RPGR: variants seen among roughly 807,000 people sequenced by gnomAD.
RPGR encodes retinitis pigmentosa GTPase regulator.
In RPGR, 10 loss-of-function variants were observed where a neutral mutation model predicts 56.3. The ratio of observed to expected loss-of-function variants is 0.18; its 90% CI spans 0.11 to 0.30. RPGR has a LOEUF of 0.30. Ranked by LOEUF, RPGR falls within the 10% of genes least tolerant of loss-of-function variation. The pLI is 1.00. For synonymous variants in RPGR, 197 were observed against 212.9 expected (o/e 0.93, Z 0.65); for missense variants, 538 against 590.9 (o/e 0.91, Z 0.93).
At chrX:38,313,414 T>C (rs1484866805) in intron 6 of RPGR, among the ~76,000 whole-genome samples, 2 of 111,923 alleles carry the variant, frequency 1.8e-5, no homozygotes, top group Non-Finnish European at 3.8e-5. Context: ...ACTGAGCAAG[T>C]TGTTCAATCA....
Position 38,273,379 on chromosome X carries a change from C to G in RPGR, c.2241+7G>C, listed in dbSNP as rs1180403751. 8.5e-7 allele frequency: 1 copy of G among 1,174,838 alleles called. No individual in the cohort carries two copies. Among genetic ancestry groups the G allele is most frequent in the East Asian group, 3.0e-5 (1 of 33,559 alleles). On this transcript the variant is annotated splice_region_variant and intron_variant, in intron 18 of 18. Coordinates refer to ENST00000642395, the MANE Select transcript of RPGR (RefSeq NM_000328.3). Reference sequence around the variant, plus strand: ...AAGGATCAAAAAAGACAATTCATTTCACTTACCTTCTTTGTTTTTTTCATG... The same window carrying G: ...AAGGATCAAAAAAGACAATTCATTTGACTTACCTTCTTTGTTTTTTTCATG...
At position 38,323,467 on chromosome X, in the gene RPGR, T is replaced by G; in HGVS notation, c.86A>C (p.Lys29Thr). ...AGGGACATCATTTTTAAACCAGAATTTACCGGGATTATTTTCAGCAAATTT... is the reference window on the plus strand; with the variant it reads ...AGGGACATCATTTTTAAACCAGAATGTACCGGGATTATTTTCAGCAAATTT... Residue 29 changes from lysine to threonine, a missense_variant, in exon 2 of 19, where the codon AAA becomes ACA. Lys to Thr is a moderately conservative substitution (Grantham distance 78). Transcript: ENST00000642395. The G allele has an allele frequency of 8.3e-7, 1 of 1,207,717 alleles. No individual in the cohort carries two copies. The highest frequency in any genetic ancestry group is 1.1e-6 in the Non-Finnish European group (1 of 892,400).
At chrX:38,281,966 A>G (rs376035502) in intron 15 of RPGR, among the ~76,000 whole-genome samples, 1 of 111,580 alleles carries the variant, frequency 9.0e-6, no homozygotes, top group African/African-American at 3.3e-5. Context: ...CTTTTGGTTC[A>G]TAAGCTCACA....
chrX:38,317,787 T>C, intron 5 of RPGR: 1 of 185,237 alleles, frequency 5.4e-6, no homozygotes, highest in East Asian at 1.3e-4. Flanking sequence ...AACAGAAATG[T>C]TCTCCTCCTT....
chrX:38,304,855 G>C, intron 7 of RPGR, 65 bp from the exon 8 acceptor site: 2 of 1,063,835 alleles, frequency 1.9e-6, no homozygotes, highest in Non-Finnish European at 2.6e-6. Flanking sequence ...CATCATATCT[G>C]GAAAAACTGT....
intron 15 of RPGR, chrX:38,285,071 A>G: frequency 1.4e-6 from 1 of 727,392 alleles, no homozygotes; most frequent in Non-Finnish European, 1.6e-6. Flanking sequence ...ATCCATTATT[A>G]GAAAATTATT....
rs1360492279 is a variant in RPGR at position 38,269,769 on chromosome X, G to T, written c.2305C>A (p.Leu769Ile). The T allele has an allele frequency of 8.3e-7, 1 of 1,209,953 alleles. No homozygotes were observed. Reference sequence around the variant, plus strand: ...TCTCCTATGGATTTTATCTCTGGGAGCGGCTCATTGTTATTCTTGACAATC... The same window carrying T: ...TCTCCTATGGATTTTATCTCTGGGATCGGCTCATTGTTATTCTTGACAATC... The change falls in exon 19 of 19, where the codon CTC becomes ATC. Residue 769 changes from leucine (L) to isoleucine (I), a missense_variant. Transcript: ENST00000642395.
chrX:38,289,766 T>C, intron 13 of RPGR, among the ~76,000 whole-genome samples: 1 of 112,675 alleles, frequency 8.9e-6, no homozygotes, highest in Admixed American at 9.4e-5. Flanking sequence ...GGAATTGCTT[T>C]CCGTTTCTGG....
rs767814278 is a variant in RPGR, at chrX:38,304,707, C to T, written c.862G>A (p.Val288Ile). The change falls in exon 8 of 19, where the codon GTC (valine) becomes ATC (isoleucine). Residue 288 changes from valine (V) to isoleucine (I), a missense_variant. Around this residue, in one of 2 missense-constraint regions of RPGR, gnomAD observed 181 missense variants for 265.1 expected, o/e 0.68. Coordinates refer to ENST00000642395, the MANE Select transcript of RPGR (RefSeq NM_000328.3). Reference sequence around the variant, plus strand: ...GTTTGATCCCTAATATTCTCAATGACTTTGGGTTCTGAAGTTTCAAAAAGA... The same window carrying T: ...GTTTGATCCCTAATATTCTCAATGATTTTGGGTTCTGAAGTTTCAAAAAGA... 17 of 1,204,839 alleles carry T rather than the reference C, an allele frequency of 1.4e-5. No individual in the cohort carries two copies. The highest frequency in any genetic ancestry group is 1.9e-5 in the Non-Finnish European group (17 of 889,484).
chrX:38,279,303 ATGTC>A (rs1327269895), intron 15 of RPGR: 3 of 287,013 alleles, frequency 1.0e-5, no homozygotes, highest in Non-Finnish European at 2.0e-5. Context: ...TGGTCAGTAT[ATGTC>A]TGTGTCTTGC....
chrX:38,273,487 G>C lies in RPGR; in HGVS notation c.2150-10C>G. On this transcript the variant is annotated splice_polypyrimidine_tract_variant and intron_variant, in intron 17 of 18. Coordinates refer to ENST00000642395, the MANE Select transcript of RPGR (RefSeq NM_000328.3). ...TCATCAAGCATGTATCCTACAATTG[G>C]ATCATTCAGAAATACTAGTTTTAAC... The C allele has an allele frequency of 8.6e-7, 1 of 1,159,155 alleles. No homozygotes were observed. The highest frequency in any genetic ancestry group is 1.2e-6 in the Non-Finnish European group (1 of 851,986).
chrX:38,310,781 A>T lies in RPGR; in HGVS notation c.620-8T>A. On this transcript the variant is annotated splice_polypyrimidine_tract_variant and splice_region_variant and intron_variant, in intron 6 of 18. Coordinates refer to ENST00000642395, the MANE Select transcript of RPGR (RefSeq NM_000328.3). ...CATATAGCTCACCATCTGCTATTGA[A>T]GGAAAAGTATAGTGATTAGTGATGA... is the stretch of plus-strand genomic sequence containing the variant. 1 of 1,208,639 alleles carries T rather than the reference A, an allele frequency of 8.3e-7. No individual in the cohort carries two copies. Among genetic ancestry groups the T allele is most frequent in the Non-Finnish European group, 1.1e-6 (1 of 893,022 alleles).
At chrX:38,317,701 T>C (rs2067852602) in intron 5 of RPGR, 2 of 332,057 alleles carry the variant, frequency 6.0e-6, no homozygotes, top group Non-Finnish European at 1.1e-5. Context: ...ACTTAAGTCC[T>C]GACCATATTT....
Position 38,276,612 on chromosome X carries a change from T to C in RPGR, c.2066A>G (p.Asp689Gly). ...CTTTTCAATAGTTTCAGCTGAGCTA[T>C]CATCATTGGTTCTTTCTGCTCCTTC... The change falls in exon 16 of 19, where the codon GAT (aspartate) becomes GGT (glycine). Residue 689 changes from aspartate (D) to glycine (G), a missense_variant. This residue lies in a region of RPGR where 357 missense variants were observed against 325.8 expected (regional missense o/e 1.10). Coordinates refer to ENST00000642395, the MANE Select transcript of RPGR (RefSeq NM_000328.3). 1 of 1,211,299 alleles carries C rather than the reference T, an allele frequency of 8.3e-7. No individual in the cohort carries two copies. The highest frequency in any genetic ancestry group is 1.1e-6 in the Non-Finnish European group (1 of 895,191).
intron 12 of RPGR, 97 bp from the exon 13 acceptor site, chrX:38,291,121 ATATT>A: frequency 1.1e-5 from 2 of 178,192 alleles, no homozygotes; most frequent in South Asian, 2.2e-4. Context: ...TCAATTATAT[ATATT>A]TTTTTATATA....
At chrX:38,324,892 G>A (rs763242428) in intron 1 of RPGR, among the ~76,000 whole-genome samples, 40 of 106,692 alleles carry the variant, frequency 3.7e-4, no homozygotes, top group Non-Finnish European at 6.6e-4. Context: ...AATGTCGGCC[G>A]GGAGTGGTGG....
At chrX:38,299,739 T>TAA (rs752784363) in intron 9 of RPGR, among the ~76,000 whole-genome samples, 3,224 of 104,780 alleles carry the variant, frequency 0.031, 130 homozygotes, top group East Asian at 0.18. Context: ...AAGAAAATGC[T>TAA]AAAAAAAAAA....
At chrX:38,306,207 C>T (rs1173763844) in intron 7 of RPGR, among the ~76,000 whole-genome samples, 1 of 111,794 alleles carries the variant, frequency 8.9e-6, no homozygotes, top group African/African-American at 3.3e-5. Context: ...AGGGCAAGAG[C>T]TTGTTATTCA....
intron 7 of RPGR, among the ~76,000 whole-genome samples, chrX:38,309,258 C>A (rs1397751124): frequency 3.6e-5 from 4 of 111,491 alleles, no homozygotes; most frequent in African/African-American, 9.8e-5. Context: ...TCCTAACTTT[C>A]TTTTATTATC....
Sources: gnomAD v4.1 joint callset for allele counts (sites outside exome capture counted in the v4.1 genomes callset) on GRCh38, gnomAD v4.1.1 for gene constraint, gnomAD v4.1.1 regional missense constraint, MANE v1.5 for transcripts, NCBI Gene and HGNC (gene_info 2026-07-23, HGNC 2026-07-21) for gene names.